Variants in ABCA8 observed in about 807,000 individuals in gnomAD.
The protein encoded by ABCA8 is ABC-type organic anion transporter ABCA8.
ABCA8 carries 177 observed loss-of-function variants against 192.3 expected under a neutral mutation model. The observed-to-expected ratio is 0.92, with a 90% CI of 0.81 to 1.04. The LOEUF is 1.04. Ranked by LOEUF, ABCA8 falls within the 50% of genes least tolerant of loss-of-function variation. The pLI, the probability that ABCA8 is intolerant of heterozygous loss-of-function variation, is 0.00. For synonymous variants in ABCA8, 642 were observed against 690.2 expected, an observed-to-expected ratio of 0.93 and a Z score of 1.09; for missense variants, 1,915 against 1,904.8, an observed-to-expected ratio of 1.01 and a Z score of -0.10.
Position 68,894,222 on chromosome 17 carries a change from A to G in ABCA8, c.2987T>C (p.Met996Thr), listed in dbSNP as rs771415786. ...MDIVSNGLLG[M>T]VKPSVHIRTE... ...TCGGATATGTACTGATGGTTTAACC[A>G]TTCCAAGTAGCCCATTACTAACAAT... is the stretch of plus-strand genomic sequence containing the variant. The change falls in exon 23 of 40, where the codon ATG (methionine) becomes ACG (threonine). Residue 996 changes from methionine (M) to threonine (T), a missense_variant. Met to Thr is a moderately conservative substitution (Grantham distance 81, BLOSUM62 -1). Coordinates refer to ENST00000586539, the MANE Select transcript of ABCA8 (RefSeq NM_001288985.2). 3 of 1,613,434 alleles carry G rather than the reference A, an allele frequency of 1.9e-6. No individual in the cohort carries two copies. The highest frequency in any genetic ancestry group is 2.5e-6 in the Non-Finnish European group (3 of 1,179,742).
chr17:68,885,452 C>G (rs2066433232), intron 26 of ABCA8, 137 bp from the exon 27 acceptor site: 7 of 821,306 alleles, frequency 8.5e-6, no homozygotes, highest in Non-Finnish European at 1.8e-6. Context: ...TCTCCATTAA[C>G]AGTTTATTTT....
intron 4 of ABCA8, among the ~76,000 whole-genome samples, chr17:68,937,848 CATT>C (rs150394447): frequency 6.3e-4 from 95 of 151,486 alleles, no homozygotes; most frequent in African/African-American, 1.9e-3. Flanking sequence ...ACTTAATAAC[CATT>C]ATTATTATTA....
rs190151136 is a variant in ABCA8 at position 68,887,569 on chromosome 17, A to G, written c.3145-63T>C. On this transcript the variant is annotated intron_variant, in intron 24 of 39. Coordinates refer to ENST00000586539, the MANE Select transcript of ABCA8 (RefSeq NM_001288985.2). ...TAAGAATATGTGGATTATGCAAGGA[A>G]CTATTCAAACAAAACCTTTATTTGT... The G allele has an allele frequency of 2.1e-5, 29 of 1,393,556 alleles. No individual in the cohort carries two copies. The African/African-American group carries it at 3.6e-4, about 17-fold the overall frequency. The allele number at this position is 1,393,556 out of a possible 1,614,324, so 86.3% of individuals were successfully genotyped here. A position where few individuals can be genotyped will look rare whatever the true frequency, so the allele number is the denominator to read the frequency against.
intron 24 of ABCA8, among the ~76,000 whole-genome samples, chr17:68,889,714 AC>A (rs1015088163): frequency 2.1e-4 from 32 of 152,022 alleles, no homozygotes; most frequent in Non-Finnish European, 4.1e-4. Context: ...GTTACAAGTG[AC>A]CCCCCACACC....
chr17:68,898,220 C>G (rs972100193), intron 21 of ABCA8, among the ~76,000 whole-genome samples: 2 of 152,104 alleles, frequency 1.3e-5, no homozygotes, highest in African/African-American at 4.8e-5. Flanking sequence ...TTATATTTAG[C>G]AAAACTAGCT....
rs370259792 is a variant in ABCA8 at position 68,906,046 on chromosome 17, G to C, written c.2396C>G (p.Ser799Trp). The C allele has an allele frequency of 1.5e-5, 23 of 1,580,760 alleles. No homozygotes were observed. The highest frequency in any genetic ancestry group is 1.6e-5 in the Non-Finnish European group (19 of 1,164,826). Residue 799 changes from serine to tryptophan, a missense_variant and splice_region_variant, in exon 19 of 40, where the codon TCG (serine) becomes TGG (tryptophan). Transcript: ENST00000586539. The part of the protein sequence containing the change: ...KLEGKSTINE[S>W]DIAILGEVQA... Reference sequence around the variant, plus strand: ...TAATTTTCATGCATTTTATTTACCCGATTCATTAATTGTAGATTTTCCTTC... The same window carrying C: ...TAATTTTCATGCATTTTATTTACCCCATTCATTAATTGTAGATTTTCCTTC...
chr17:68,917,951 T>C (rs757623706), intron 16 of ABCA8, 96 bp downstream of exon 16: 117 of 1,440,710 alleles, frequency 8.1e-5, no homozygotes, highest in Non-Finnish European at 1.1e-4. Flanking sequence ...TACAGCTAGA[T>C]TACCGAATTA....
intron 21 of ABCA8, among the ~76,000 whole-genome samples, chr17:68,895,935 C>T (rs766666066): frequency 3.9e-5 from 6 of 151,988 alleles, no homozygotes; most frequent in Admixed American, 6.6e-5. Flanking sequence ...AGAGTTTCCA[C>T]GACAGGAGAG....
chr17:68,895,116 G>A (rs1425699045), intron 21 of ABCA8, 103 bp from the exon 22 acceptor site: 1 of 882,130 alleles, frequency 1.1e-6, no homozygotes, highest in Non-Finnish European at 1.6e-6. Context: ...GCAGTAATAT[G>A]GACTGTCAGG....
At chr17:68,896,013 C>A (rs947985264) in intron 21 of ABCA8, among the ~76,000 whole-genome samples, 6 of 152,258 alleles carry the variant, frequency 3.9e-5, no homozygotes, top group Middle Eastern at 3.4e-3. Flanking sequence ...GGGTTCCACA[C>A]CAAGAGAATC....
intron 21 of ABCA8, among the ~76,000 whole-genome samples, 162 bp downstream of exon 21, chr17:68,902,551 C>A (rs1256498307): frequency 6.6e-6 from 1 of 152,174 alleles, no homozygotes; most frequent in East Asian, 1.9e-4. Flanking sequence ...TTTACCTATT[C>A]CTGCTTCTTT....
Position 68,882,673 on chromosome 17 carries a change from C to T in ABCA8, c.3754G>A (p.Glu1252Lys). The T allele has an allele frequency of 6.2e-7, 1 of 1,612,938 alleles. No homozygotes were observed. Reference protein sequence around the residue: ...SDVCQNPEEPEGEDEDVQMER... With the variant: ...SDVCQNPEEPKGEDEDVQMER... ...ATCTGAACATCTTCATCCTCTCCTTCTGGTTCTTCTGGATTTTGACACACA... is the reference window on the plus strand; with the variant it reads ...ATCTGAACATCTTCATCCTCTCCTTTTGGTTCTTCTGGATTTTGACACACA... Residue 1252 changes from glutamate to lysine, a missense_variant, in exon 30 of 40, where the codon GAA (glutamate) becomes AAA (lysine). Glu to Lys is a moderately conservative substitution (Grantham distance 56). Coordinates refer to ENST00000586539, the MANE Select transcript of ABCA8 (RefSeq NM_001288985.2).
At chr17:68,904,295 AATAATAAT>A (rs554249231) in intron 19 of ABCA8, among the ~76,000 whole-genome samples, 158 of 3,814 alleles carry the variant, frequency 0.041, 2 homozygotes, top group Middle Eastern at 0.12. Flanking sequence ...AAAAAGAAAT[AATAATAAT>A]AATAATAATA....
Position 68,940,976 on chromosome 17 carries a change from G to GA in ABCA8, c.97-15dup, listed in dbSNP as rs765959800. 2.6e-6 allele frequency: 4 copies of GA among 1,553,020 alleles called. No individual in the cohort carries two copies. The highest frequency in any genetic ancestry group is 1.8e-5 in the Admixed American group (1 of 55,896). ...ATTCAGCCATTCCTATATAATACAG[G>GA]AAAAAAGATAAAGAAAAGTCTTATT... On this transcript the variant is annotated splice_polypyrimidine_tract_variant and intron_variant, in intron 3 of 39. Coordinates refer to ENST00000586539, the MANE Select transcript of ABCA8 (RefSeq NM_001288985.2).
chr17:68,936,102 G>A (rs1398506100), intron 5 of ABCA8, among the ~76,000 whole-genome samples: 14 of 151,952 alleles, frequency 9.2e-5, no homozygotes, highest in East Asian at 1.9e-4. Flanking sequence ...CATAGTTTGC[G>A]ATTTTTTTTT....
At chr17:68,945,295 C>T (rs574673284) in intron 2 of ABCA8, among the ~76,000 whole-genome samples, 3 of 151,768 alleles carry the variant, frequency 2.0e-5, no homozygotes, top group South Asian at 4.2e-4. Flanking sequence ...GTTGAATGGC[C>T]ACTTAGACTT....
At chr17:68,941,289 T>C (rs1476195625) in intron 3 of ABCA8, among the ~76,000 whole-genome samples, 1 of 152,122 alleles carries the variant, frequency 6.6e-6, no homozygotes, top group Non-Finnish European at 1.5e-5. Flanking sequence ...CCTGATCACA[T>C]GCGAACTCCC....
chr17:68,954,087 C>A (rs2068646476), intron 1 of ABCA8, among the ~76,000 whole-genome samples: 1 of 151,056 alleles, frequency 6.6e-6, no homozygotes, highest in African/African-American at 2.4e-5. Context: ...ACACATTGTG[C>A]AGGTTAGTTA....
intron 21 of ABCA8, among the ~76,000 whole-genome samples, chr17:68,896,035 A>G (rs1330347881): frequency 6.6e-6 from 1 of 152,166 alleles, no homozygotes; most frequent in Non-Finnish European, 1.5e-5. Flanking sequence ...GGCACGATCC[A>G]TGCTTCCAGC....
Sources: gnomAD v4.1 joint callset for allele counts (sites outside exome capture counted in the v4.1 genomes callset) on GRCh38, gnomAD v4.1.1 for gene constraint, MANE v1.5 for transcripts, NCBI Gene and HGNC (gene_info 2026-07-23, HGNC 2026-07-21) for gene names.